The following ZNF468 variants were observed in gnomAD, a reference collection of about 807,000 sequenced individuals.
ZNF468 encodes the protein zinc finger protein ZNF468.
Under a neutral mutation model 7.2 loss-of-function variants are expected in ZNF468, and 8 were observed. The observed-to-expected ratio is 1.11, with a 90% CI of 0.65 to 2.01. The LOEUF (loss-of-function observed/expected upper bound fraction) is 2.01. Ranked by LOEUF, ZNF468 falls within the 30% of genes most tolerant of loss-of-function variation. ZNF468 has a pLI of 0.00. For synonymous variants in ZNF468, 218 were observed against 214.4 expected (o/e 1.02, Z -0.15); for missense variants, 608 against 626.5 (o/e 0.97, Z 0.31).
intron 1 of ZNF468, among the ~76,000 whole-genome samples, chr19:52,854,909 C>T (rs1418961621): frequency 6.6e-6 from 1 of 152,100 alleles, no homozygotes; most frequent in East Asian, 1.9e-4. Context: ...CTAATCCCAG[C>T]TACTCGGGAG....
At chr19:52,852,161 T>C (rs1393619534) in intron 2 of ZNF468, among the ~76,000 whole-genome samples, 1 of 151,240 alleles carries the variant, frequency 6.6e-6, no homozygotes, top group African/African-American at 2.4e-5. Flanking sequence ...AGGACAGGAA[T>C]TCAACACCAG....
chr19:52,839,517 C>A lies in ZNF468; in HGVS notation c.*1208G>T. ...ATGTCAATTAATGCTTGATGGTTTGCTATACTCACTGCATTTGAAACAACT... is the reference window on the plus strand; with the variant it reads ...ATGTCAATTAATGCTTGATGGTTTGATATACTCACTGCATTTGAAACAACT... On this transcript the variant is annotated 3_prime_UTR_variant, in exon 4 of 4. Coordinates refer to ENST00000595646, the MANE Select transcript of ZNF468 (RefSeq NM_001008801.2). 4.1e-6 allele frequency: 2 copies of A among 482,046 alleles called. No homozygotes were observed. The highest frequency in any genetic ancestry group is 4.8e-5 in the Admixed American group (2 of 41,278). The allele number at this position is 482,046 out of a possible 1,614,324, so 29.9% of individuals were successfully genotyped here. A position where few individuals can be genotyped will look rare whatever the true frequency, so the allele number is the denominator to read the frequency against.
At position 52,854,151 on chromosome 19, in the gene ZNF468, G is replaced by A. The variant is rs771028012; in HGVS notation, c.15+107C>T. ...ACTGAAGGAAGGCATAAGTGAGGGTGAGCAAACATGTCAGGCAGGTCATTC... is the reference window on the plus strand; with the variant it reads ...ACTGAAGGAAGGCATAAGTGAGGGTAAGCAAACATGTCAGGCAGGTCATTC... On this transcript the variant is annotated intron_variant, in intron 2 of 3. Coordinates refer to ENST00000595646, the MANE Select transcript of ZNF468 (RefSeq NM_001008801.2). 3.1e-6 allele frequency: 5 copies of A among 1,601,370 alleles called. 1 individual carries two copies. Among genetic ancestry groups the A allele is most frequent in the Middle Eastern group, 1.7e-4 (1 of 5,992 alleles).
Position 52,850,861 on chromosome 19 carries a change from T to C in ZNF468, c.16-1648A>G, listed in dbSNP as rs563829648. ...TTGCAGTGAGCCGAGATCGCGCCAC[T>C]GCACTCCAGCCTGGGCGACAGAGCG... On this transcript the variant is annotated intron_variant, in intron 2 of 3. Transcript: ENST00000595646. Among the ~76,000 whole-genome samples, 16 of 151,806 alleles carry C rather than the reference T, an allele frequency of 1.1e-4. No homozygotes were observed. The South Asian group carries it at 1.2e-3, about 12-fold the overall frequency.
intron 3 of ZNF468, among the ~76,000 whole-genome samples, chr19:52,847,968 G>A (rs1408070400): frequency 2.0e-5 from 3 of 152,200 alleles, no homozygotes; most frequent in Non-Finnish European, 4.4e-5. Context: ...TTGTCTCTGT[G>A]TCTTATTTCT....
At chr19:52,843,120 CA>C (rs11356842) in intron 3 of ZNF468, among the ~76,000 whole-genome samples, 14,096 of 68,736 alleles carry the variant, frequency 0.21, 388 homozygotes, top group South Asian at 0.3. Flanking sequence ...GACTCTGTCT[CA>C]AAAAAAAAAA....
At chr19:52,853,337 T>C (rs2063406407) in intron 2 of ZNF468, among the ~76,000 whole-genome samples, 1 of 152,100 alleles carries the variant, frequency 6.6e-6, no homozygotes, top group East Asian at 1.9e-4. Flanking sequence ...CTTGGAGTTT[T>C]ACCACAAAAC....
At position 52,854,284 on chromosome 19, in the gene ZNF468, T is replaced by C. The variant is rs550655954; in HGVS notation, c.-12A>G. The C allele has an allele frequency of 6.2e-7, 1 of 1,613,756 alleles. No individual in the cohort carries two copies. ...TGAGGAAGAGCCATCCCTGACTCCT[T>C]TGCTTTCCTCTTCCTCTTCTGGGTT... On this transcript the variant is annotated 5_prime_UTR_variant, in exon 2 of 4. Transcript: ENST00000595646.
rs61729957 is a variant in ZNF468 at position 52,841,890 on chromosome 19, C to T, written c.404G>A (p.Arg135His). The change falls in exon 4 of 4, where the codon CGT becomes CAT. Residue 135 changes from arginine (R) to histidine (H), a missense_variant. Physicochemically the swap from Arg to His is conservative, Grantham distance 29. Coordinates refer to ENST00000595646, the MANE Select transcript of ZNF468 (RefSeq NM_001008801.2). ...QHDQRHAGNK[R>H]IKDQLGSSFH... The stretch of plus-strand genomic sequence containing the variant: ...GCTTGATCCAAGCTGATCTTTAATA[C>T]GCTTGTTTCCAGCATGCCTTTGATC... The T allele has an allele frequency of 6.9e-3, 11,170 of 1,614,022 alleles. 419 individuals are homozygous for T. In the African/African-American group the frequency reaches 0.1, roughly 15 times the overall value.
In ZNF468 at chr19:52,841,629, T is replaced by C. The variant is rs758331206; in HGVS notation, c.665A>G (p.Lys222Arg). 7 of 1,614,092 alleles carry C rather than the reference T, an allele frequency of 4.3e-6. No homozygotes were observed. The South Asian group carries it at 4.4e-5, about 10-fold the overall frequency. ...TAAGAGTGAGCTGCAATTAAAGGAT[T>C]TGAAGCTCTGTATACATTCAAAAGA... ...EKSFECIQSF[K>R]SFNCSSLLKK... Residue 222 changes from lysine to arginine, a missense_variant, in exon 4 of 4, where the codon AAA (lysine) becomes AGA (arginine). Coordinates refer to ENST00000595646, the MANE Select transcript of ZNF468 (RefSeq NM_001008801.2).
chr19:52,850,671 G>A lies in ZNF468; in HGVS notation c.16-1458C>T, dbSNP rs1204058335. 1.2e-4 allele frequency among the ~76,000 whole-genome samples: 18 copies of A among 151,914 alleles called. No homozygotes were observed. In the South Asian group the frequency reaches 1.3e-3, roughly 11 times the overall value. ...TCCCAGCACTTTGGGAGGCCGAGGTGGGCGGATCACGAGGTCAGGAGATCG... is the reference window on the plus strand; with the variant it reads ...TCCCAGCACTTTGGGAGGCCGAGGTAGGCGGATCACGAGGTCAGGAGATCG... On this transcript the variant is annotated intron_variant, in intron 2 of 3. Coordinates refer to ENST00000595646, the MANE Select transcript of ZNF468 (RefSeq NM_001008801.2).
intron 3 of ZNF468, among the ~76,000 whole-genome samples, chr19:52,843,265 A>G (rs1358087784): frequency 6.6e-6 from 1 of 151,610 alleles, no homozygotes; most frequent in East Asian, 1.9e-4. Flanking sequence ...ATAGAGTCTC[A>G]CTCTGTCACC....
rs932793720 is a variant in ZNF468 at position 52,842,147 on chromosome 19, G to T, written c.147C>A (p.Ile49=). The change falls in exon 4 of 4, where the codon ATC becomes ATA. Residue 49 remains isoleucine (I), a synonymous_variant. Transcript: ENST00000595646. ...ENYRNLVSLD[I]SSKCMLKTLS... is the part of the protein sequence containing the mutation. Reference sequence around the variant, plus strand: ...ACGTCTTCAACATGCATTTGGAAGAGATATCTACAAAATTTAAACACCAAT... The same window carrying T: ...ACGTCTTCAACATGCATTTGGAAGATATATCTACAAAATTTAAACACCAAT... The T allele has an allele frequency of 6.3e-7, 1 of 1,582,414 alleles. No individual in the cohort carries two copies. The highest frequency in any genetic ancestry group is 1.2e-5 in the South Asian group (1 of 86,520).
rs1305684246 is a variant in ZNF468 at position 52,841,291 on chromosome 19, C to A, written c.1003G>T (p.Ala335Ser). ...KPYKCKVCDEAFAYNSYLAKH... is the reference protein window; with the variant it reads ...KPYKCKVCDESFAYNSYLAKH... The stretch of plus-strand genomic sequence containing the variant: ...GCCAGATATGAATTATATGCGAAAG[C>A]CTCATCACAAACCTTACATTTGTAT... The change falls in exon 4 of 4, where the codon GCT (alanine) becomes TCT (serine). Residue 335 changes from alanine (A) to serine (S), a missense_variant. Coordinates refer to ENST00000595646, the MANE Select transcript of ZNF468 (RefSeq NM_001008801.2). 3.1e-6 allele frequency: 5 copies of A among 1,613,612 alleles called. No individual in the cohort carries two copies. The highest frequency in any genetic ancestry group is 4.2e-6 in the Non-Finnish European group (5 of 1,179,902).
In ZNF468 at chr19:52,841,726, T is replaced by C. The variant is rs747786358; in HGVS notation, c.568A>G (p.Asn190Asp). Reference protein sequence around the residue: ...ICCRPKTHISNKYGNNSLHSS... With the variant: ...ICCRPKTHISDKYGNNSLHSS... ...TGGAGGGAATTATTTCCATACTTAT[T>C]AGAAATATGGGTTTTGGGCCTACAA... Residue 190 changes from asparagine (N) to aspartate (D), a missense_variant, in exon 4 of 4, where the codon AAT becomes GAT. By Grantham distance (23) the Asn-to-Asp change is conservative (BLOSUM62 1). Coordinates refer to ENST00000595646, the MANE Select transcript of ZNF468 (RefSeq NM_001008801.2). The C allele has an allele frequency of 1.2e-6, 2 of 1,614,118 alleles. No individual in the cohort carries two copies. The highest frequency in any genetic ancestry group is 8.5e-7 in the Non-Finnish European group (1 of 1,180,020).
In ZNF468 at chr19:52,841,435, A is replaced by G; in HGVS notation, c.859T>C (p.Phe287Leu). Residue 287 changes from phenylalanine to leucine, a missense_variant, in exon 4 of 4, where the codon TTC becomes CTC. By Grantham distance (22) the Phe-to-Leu change is conservative. Transcript: ENST00000595646. Reference protein sequence around the residue: ...GKTFGHNSSLFIHKALHTGEK... With the variant: ...GKTFGHNSSLLIHKALHTGEK... ...CCAGTATGAAGCGCTTTGTGAATGA[A>G]GAGGGATGAATTATGACCAAAGGTC... 6.2e-7 allele frequency: 1 copy of G among 1,613,858 alleles called. No homozygotes were observed. Among genetic ancestry groups the G allele is most frequent in the South Asian group, 1.1e-5 (1 of 91,038 alleles).
chr19:52,843,565 C>G (rs118102499), intron 3 of ZNF468, among the ~76,000 whole-genome samples: 4,549 of 151,952 alleles, frequency 0.03, 109 homozygotes, highest in Non-Finnish European at 0.047. Flanking sequence ...GGAGTGTGTC[C>G]GTTATATTGC....
At position 52,849,339 on chromosome 19, in the gene ZNF468, A is replaced by G. The variant is rs2063365891; in HGVS notation, c.16-126T>C. On this transcript the variant is annotated intron_variant, in intron 2 of 3. Transcript: ENST00000595646. ...GAGAATGTTCTGACAAATCCAAATAAGGGATTTCTCACTACATGATGTCTC... is the reference window on the plus strand; with the variant it reads ...GAGAATGTTCTGACAAATCCAAATAGGGGATTTCTCACTACATGATGTCTC... 12 of 1,543,782 alleles carry G rather than the reference A, an allele frequency of 7.8e-6. No homozygotes were observed. In the South Asian group the frequency reaches 1.5e-4, roughly 19 times the overall value.
chr19:52,842,642 A>T (rs1209789543), intron 3 of ZNF468, among the ~76,000 whole-genome samples: 3 of 151,872 alleles, frequency 2.0e-5, no homozygotes, highest in Admixed American at 6.6e-5. Context: ...CACAGCACTG[A>T]CAAGATAACA....
Sources: allele counts gnomAD v4.1 joint callset (sites outside exome capture counted in the v4.1 genomes callset), GRCh38; gene constraint gnomAD v4.1.1; transcripts MANE v1.5; gene names NCBI Gene and HGNC (gene_info 2026-07-23, HGNC 2026-07-21).